Variants in PHLPP1 observed in about 807,000 individuals in gnomAD.
PHLPP1 encodes PH domain leucine-rich repeat-containing protein phosphatase 1.
In PHLPP1, 42 loss-of-function variants were observed where a neutral mutation model predicts 117.2. That is an observed-to-expected ratio of 0.36 (90% CI 0.28 to 0.46). The LOEUF (loss-of-function observed/expected upper bound fraction) is 0.46. PHLPP1 is among the 20% of genes least tolerant of loss of function. The probability of loss-of-function intolerance (pLI) is 1.00; values close to 1 mark genes in which losing one functional copy is unlikely to be tolerated. For missense variants in PHLPP1, 2,084 were observed against 2,241.9 expected, an observed-to-expected ratio of 0.93 and a Z score of 1.42; for synonymous variants, 1,042 against 970.7, an observed-to-expected ratio of 1.07 and a Z score of -1.37.
At chr18:62,868,789 C>A (rs1022617779) in intron 4 of PHLPP1, among the ~76,000 whole-genome samples, 1 of 152,090 alleles carries the variant, frequency 6.6e-6, no homozygotes, top group African/African-American at 2.4e-5. Flanking sequence ...TCTGATAAGA[C>A]AGTATTACTG....
rs370698346 is a variant in PHLPP1, at chr18:62,941,859, A to G, written c.3102A>G (p.Gly1034=). 4 of 1,614,046 alleles carry G rather than the reference A, an allele frequency of 2.5e-6. No homozygotes were observed. Among genetic ancestry groups the G allele is most frequent in the Non-Finnish European group, 3.4e-6 (4 of 1,179,880 alleles). The change falls in exon 11 of 17, where the codon GGA becomes GGG. Residue 1034 remains glycine (G), a synonymous_variant. Coordinates refer to ENST00000262719, the MANE Select transcript of PHLPP1 (RefSeq NM_194449.4). ...ACAAATGTGTGCCCTTGTTAACGGG[A>G]CACCCCCATTTGAAGATCCTTCACA... ...LTDKCVPLLT[G]HPHLKILHMA...
At chr18:62,904,750 G>C (rs540911127) in intron 7 of PHLPP1, among the ~76,000 whole-genome samples, 8 of 152,234 alleles carry the variant, frequency 5.3e-5, no homozygotes, top group Admixed American at 3.3e-4. Context: ...GAAACACAGT[G>C]ACAGGGGACA....
At chr18:62,721,139 A>G (rs1479366925) in intron 1 of PHLPP1, among the ~76,000 whole-genome samples, 1 of 152,192 alleles carries the variant, frequency 6.6e-6, no homozygotes, top group Non-Finnish European at 1.5e-5. Context: ...CCTCTAGTTC[A>G]AAGTGGTATT....
chr18:62,775,035 A>G (rs921641169), intron 1 of PHLPP1, among the ~76,000 whole-genome samples: 1 of 152,110 alleles, frequency 6.6e-6, no homozygotes, highest in Non-Finnish European at 1.5e-5. Flanking sequence ...CTACTACTCT[A>G]TTGAAACTAC....
At chr18:62,736,557 T>G (rs1373765866) in intron 1 of PHLPP1, among the ~76,000 whole-genome samples, 1 of 152,204 alleles carries the variant, frequency 6.6e-6, no homozygotes, top group African/African-American at 2.4e-5. Context: ...ACAGATTGTG[T>G]AGCGGATATC....
intron 12 of PHLPP1, among the ~76,000 whole-genome samples, chr18:62,956,871 A>G (rs943616716): frequency 6.6e-6 from 1 of 152,320 alleles, no homozygotes; most frequent in African/African-American, 2.4e-5. Context: ...TATTTACCCA[A>G]AAATACAGGT....
chr18:62,945,051 C>T (rs1377451296), intron 11 of PHLPP1, 58 bp from the exon 12 acceptor site: 7 of 1,259,484 alleles, frequency 5.6e-6, no homozygotes. Context: ...TTAATTCATC[C>T]TTTGATTCTC....
At chr18:62,875,436 A>G (rs1451608295) in intron 4 of PHLPP1, among the ~76,000 whole-genome samples, 3 of 152,018 alleles carry the variant, frequency 2.0e-5, no homozygotes, top group African/African-American at 7.2e-5. Flanking sequence ...CTGTTTTTGT[A>G]AAGATACTGT....
At chr18:62,846,753 ACTT>A (rs372163218) in intron 3 of PHLPP1, among the ~76,000 whole-genome samples, 301 of 152,312 alleles carry the variant, frequency 2.0e-3, no homozygotes, top group African/African-American at 6.4e-3. Context: ...AGAACTTAGA[ACTT>A]CTTCTTTGAA....
rs368635124 is a variant in PHLPP1 at position 62,853,352 on chromosome 18, C to CT, written c.1900-7071dup. On this transcript the variant is annotated intron_variant, in intron 3 of 16. Transcript: ENST00000262719. ...TTAGCCTTAATTTTTTTTCTTTTTT[C>CT]TTTTTTTTTTTTGTTCTTGTTTCGT... is the stretch of plus-strand genomic sequence containing the variant. Among the ~76,000 whole-genome samples, 279 of 141,954 alleles carry CT rather than the reference C, an allele frequency of 2.0e-3. 1 individual carries two copies. The highest frequency in any genetic ancestry group is 4.8e-3 in the South Asian group (21 of 4,362). The allele number at this position is 141,954 out of a possible 152,430, so 93.1% of individuals were successfully genotyped here.
rs1910738464 is a variant in PHLPP1, at chr18:62,716,462, C to T, written c.779C>T (p.Pro260Leu). Residue 260 changes from proline to leucine, a missense_variant, in exon 1 of 17, where the codon CCC becomes CTC. Physicochemically the swap from Pro to Leu is moderately conservative, Grantham distance 98. This residue lies in a region of PHLPP1 where 719 missense variants were observed against 636.0 expected (regional missense o/e 1.13). Transcript: ENST00000262719. The surrounding 1 kb of genome is among the most constrained non-coding windows in gnomAD (Gnocchi z 5.7). The part of the protein sequence containing the change: ...QGPGAAAARE[P>L]AEPPPEAGPR... ...CCCGGAGCCGCCGCCGCCCGGGAGC[C>T]CGCTGAACCGCCCCCCGAGGCCGGC... 7.9e-7 allele frequency: 1 copy of T among 1,262,142 alleles called. No homozygotes were observed. The highest frequency in any genetic ancestry group is 9.9e-7 in the Non-Finnish European group (1 of 1,007,584). 78.2% of individuals were successfully genotyped at this position (1,262,142 alleles called of 1,614,324 possible). A position where few individuals can be genotyped will look rare whatever the true frequency, so the allele number is the denominator to read the frequency against.
intron 1 of PHLPP1, among the ~76,000 whole-genome samples, chr18:62,757,560 C>G (rs1191591004): frequency 6.6e-6 from 1 of 152,228 alleles, no homozygotes; most frequent in Non-Finnish European, 1.5e-5. Flanking sequence ...CAGGGCTAAC[C>G]TTCACTCCTT....
chr18:62,817,598 G>T (rs1278078070), intron 1 of PHLPP1, among the ~76,000 whole-genome samples: 4 of 151,906 alleles, frequency 2.6e-5, no homozygotes, highest in African/African-American at 9.7e-5. Context: ...AATGAACTGT[G>T]GGATAACTTC....
intron 13 of PHLPP1, among the ~76,000 whole-genome samples, chr18:62,961,313 A>T (rs1910760471): frequency 6.6e-6 from 1 of 152,074 alleles, no homozygotes; most frequent in African/African-American, 2.4e-5. Context: ...AAAAATAAAG[A>T]TATACAAGAG....
intron 4 of PHLPP1, among the ~76,000 whole-genome samples, chr18:62,883,980 C>A (rs1916226061): frequency 6.6e-6 from 1 of 152,134 alleles, no homozygotes; most frequent in African/African-American, 2.4e-5. Context: ...AAAGTAAAAT[C>A]ATTAATACAC....
At chr18:62,866,484 G>C (rs1915774410) in intron 4 of PHLPP1, among the ~76,000 whole-genome samples, 1 of 151,888 alleles carries the variant, frequency 6.6e-6, no homozygotes, top group African/African-American at 2.4e-5. Flanking sequence ...ACCTCAGGTA[G>C]TCCACCCATC....
intron 10 of PHLPP1, among the ~76,000 whole-genome samples, chr18:62,935,189 GA>G (rs1490999935): frequency 6.6e-6 from 1 of 152,126 alleles, no homozygotes; most frequent in Non-Finnish European, 1.5e-5. Flanking sequence ...AAGTAGCAGG[GA>G]TATAAAGTTA....
chr18:62,958,318 G>A (rs562578211), intron 12 of PHLPP1, among the ~76,000 whole-genome samples: 2 of 152,194 alleles, frequency 1.3e-5, no homozygotes, highest in African/African-American at 2.4e-5. Flanking sequence ...TGAGCAATAA[G>A]AAAATCTATT....
At chr18:62,969,075 G>C (rs1018669862) in intron 14 of PHLPP1, among the ~76,000 whole-genome samples, 10 of 150,850 alleles carry the variant, frequency 6.6e-5, no homozygotes, top group Admixed American at 2.0e-4. Context: ...TGTTTGTTTT[G>C]TTTGTTTGTT....
Sources: allele counts gnomAD v4.1 joint callset (sites outside exome capture counted in the v4.1 genomes callset), GRCh38; gene constraint gnomAD v4.1.1; regional missense constraint gnomAD v4.1.1; non-coding constraint Gnocchi (gnomAD v3.1); transcripts MANE v1.5; gene names NCBI Gene and HGNC (gene_info 2026-07-23, HGNC 2026-07-21).